The following CASZ1 variants were observed in gnomAD, a reference collection of about 807,000 sequenced individuals.
CASZ1 encodes zinc finger protein castor homolog 1.
CASZ1 carries 28 observed loss-of-function variants against 135.2 expected under a neutral mutation model. That is an observed-to-expected ratio of 0.21 (90% confidence interval 0.15 to 0.28). The LOEUF (loss-of-function observed/expected upper bound fraction) is 0.28, where lower values mean the gene tolerates loss of function less well. CASZ1 is among the 10% of genes least tolerant of loss of function. The pLI, the probability that CASZ1 is intolerant of heterozygous loss-of-function variation, is 1.00. For synonymous variants in CASZ1, 1,068 were observed against 1,073.4 expected (o/e 0.99, Z 0.10); for missense variants, 2,161 against 2,453.3 (o/e 0.88, Z 2.52).
chr1:10,674,999 T>C (rs559409011), intron 4 of CASZ1, among the ~76,000 whole-genome samples: 3 of 151,590 alleles, frequency 2.0e-5, no homozygotes, highest in African/African-American at 7.3e-5. Context: ...CCCCTCCTGT[T>C]TTTCTGTGCT....
chr1:10,730,454 G>A (rs1557537574), intron 2 of CASZ1, among the ~76,000 whole-genome samples: 1 of 152,180 alleles, frequency 6.6e-6, no homozygotes, highest in Non-Finnish European at 1.5e-5. Flanking sequence ...GCATGCCTAG[G>A]GCCTTCGAGT....
At chr1:10,654,658 C>G (rs1642728742) in intron 9 of CASZ1, 67 bp from the exon 10 acceptor site, 1 of 1,481,496 alleles carries the variant, frequency 6.7e-7, no homozygotes, top group Non-Finnish European at 9.3e-7. Flanking sequence ...GTCGACACCA[C>G]TGTGTGTGGC....
chr1:10,654,821 G>A (rs1169815389), intron 9 of CASZ1, among the ~76,000 whole-genome samples: 3 of 152,250 alleles, frequency 2.0e-5, no homozygotes, highest in Admixed American at 6.5e-5. Flanking sequence ...GCCTGGCTCC[G>A]TCTGTGCTGA....
intron 5 of CASZ1, among the ~76,000 whole-genome samples, chr1:10,662,564 C>G (rs1439719345): frequency 6.6e-6 from 1 of 151,590 alleles, no homozygotes; most frequent in Admixed American, 6.6e-5. Context: ...CTCTACACAC[C>G]CAGTCATGTG....
Position 10,655,763 on chromosome 1 carries a change from C to T in CASZ1, c.1551G>A (p.Lys517=). The T allele has an allele frequency of 1.9e-6, 3 of 1,614,206 alleles. No homozygotes were observed. Among genetic ancestry groups the T allele is most frequent in the Non-Finnish European group, 2.5e-6 (3 of 1,180,008 alleles). Residue 517 remains lysine, a synonymous_variant, in exon 9 of 21, where the codon AAG becomes AAA. Coordinates refer to ENST00000377022, the MANE Select transcript of CASZ1 (RefSeq NM_001079843.3). The stretch of plus-strand genomic sequence containing the variant: ...AGCCGTGCTGCAGGGAGTTGTCGCG[C>T]TTCTTGTGCATGTTGTAGTGGCGGA... ...DVIRHYNMHK[K]RDNSLQHGFM...
intron 2 of CASZ1, among the ~76,000 whole-genome samples, chr1:10,714,444 G>A (rs911153023): frequency 2.6e-5 from 4 of 152,254 alleles, no homozygotes; most frequent in African/African-American, 7.2e-5. Flanking sequence ...GCTCTGCTGA[G>A]CCTCCACACC....
Position 10,663,673 on chromosome 1 carries a change from G to T in CASZ1, c.505+1410C>A, listed in dbSNP as rs1042157137. ...AGGGGGCCCACAGGCCTGCATGGCC[G>T]AGCCCAGGGCCCAGAGAAGGTGGCT... On this transcript the variant is annotated intron_variant, in intron 5 of 20. Coordinates refer to ENST00000377022, the MANE Select transcript of CASZ1 (RefSeq NM_001079843.3). Among the ~76,000 whole-genome samples the T allele has an allele frequency of 2.6e-5, 4 of 152,252 alleles. No individual in the cohort carries two copies. The East Asian group carries it at 5.8e-4, about 22-fold the overall frequency.
At chr1:10,785,481 T>A (rs776907) in intron 1 of CASZ1, among the ~76,000 whole-genome samples, 110,502 of 152,022 alleles carry the variant, frequency 0.73, 41,147 homozygotes, top group Non-Finnish European at 0.82. Context: ...TGGAGTTTCA[T>A]ACACCTCATC....
intron 2 of CASZ1, among the ~76,000 whole-genome samples, chr1:10,722,452 C>G (rs1184992274): frequency 6.6e-6 from 1 of 152,106 alleles, no homozygotes; most frequent in East Asian, 1.9e-4. Context: ...AGGGCACGGA[C>G]TTAGGGACCG....
At chr1:10,745,983 G>A (rs1640032928) in intron 2 of CASZ1, among the ~76,000 whole-genome samples, 1 of 152,264 alleles carries the variant, frequency 6.6e-6, no homozygotes, top group South Asian at 2.1e-4. Context: ...ACTCTGCTGG[G>A]TGAGAGGTCT....
At position 10,657,934 on chromosome 1, in the gene CASZ1, A is replaced by G. The variant is rs1642861896; in HGVS notation, c.1409+574T>C. 1 of 151,482 alleles carries G rather than the reference A, an allele frequency of 6.6e-6. No individual in the cohort carries two copies. The highest frequency in any genetic ancestry group is 2.1e-4 in the South Asian group (1 of 4,818). 9.4% of individuals were successfully genotyped at this position (151,482 alleles called of 1,614,324 possible). On this transcript the variant is annotated intron_variant, in intron 7 of 20. Transcript: ENST00000377022. This position sits in a 1 kb window ranked among gnomAD's most constrained non-coding sequence, Gnocchi z 5.7. Reference sequence around the variant, plus strand: ...GGTGGTGTCAGAGCCTCACTGGGGAAGTGCATTGGGCTGTGTCAGAGAGGA... The same window carrying G: ...GGTGGTGTCAGAGCCTCACTGGGGAGGTGCATTGGGCTGTGTCAGAGAGGA...
At chr1:10,677,571 T>C (rs912803632) in intron 4 of CASZ1, among the ~76,000 whole-genome samples, 3 of 152,000 alleles carry the variant, frequency 2.0e-5, no homozygotes, top group Non-Finnish European at 4.4e-5. Flanking sequence ...GCTATCAGGG[T>C]GGAGGCTGTC....
chr1:10,737,608 C>T (rs1457837789), intron 2 of CASZ1, among the ~76,000 whole-genome samples: 2 of 152,234 alleles, frequency 1.3e-5, no homozygotes, highest in Non-Finnish European at 2.9e-5. Context: ...AGAAGGGTGC[C>T]CAAGGGAGTT....
Position 10,719,833 on chromosome 1 carries a change from G to A in CASZ1, c.-76-14289C>T, listed in dbSNP as rs1259967884. Reference sequence around the variant, plus strand: ...CACAGGCCTGGAACAGGCACCTCCGGGGTTCAAAGGCCCACAGAAGCCACC... The same window carrying A: ...CACAGGCCTGGAACAGGCACCTCCGAGGTTCAAAGGCCCACAGAAGCCACC... On this transcript the variant is annotated intron_variant, in intron 2 of 20. Coordinates refer to ENST00000377022, the MANE Select transcript of CASZ1 (RefSeq NM_001079843.3). This position sits in a 1 kb window ranked among gnomAD's most constrained non-coding sequence, Gnocchi z 4.0. 6.6e-6 allele frequency among the ~76,000 whole-genome samples: 1 copy of A among 152,248 alleles called. No homozygotes were observed. Among genetic ancestry groups the A allele is most frequent in the Non-Finnish European group, 1.5e-5 (1 of 68,050 alleles).
At chr1:10,740,608 G>A (rs1321452958) in intron 2 of CASZ1, among the ~76,000 whole-genome samples, 2 of 152,156 alleles carry the variant, frequency 1.3e-5, no homozygotes, top group Non-Finnish European at 1.5e-5. Flanking sequence ...AGAAGCAGGA[G>A]GTGGAGGAAG....
In CASZ1 at chr1:10,653,436, G is replaced by A. The variant is rs1185466034; in HGVS notation, c.2621C>T (p.Ser874Leu). The change falls in exon 11 of 21, where the codon TCG (serine) becomes TTG (leucine). Residue 874 changes from serine to leucine, a missense_variant. By Grantham distance (145) the Ser-to-Leu change is moderately radical. Around this residue, in one of 7 missense-constraint regions of CASZ1, gnomAD observed 406 missense variants for 387.6 expected, o/e 1.05. Transcript: ENST00000377022. The stretch of plus-strand genomic sequence containing the variant: ...TGCAGCCAGCCTGGCCATCATGGGC[G>A]AGATGAGGCCCTTGCTTGCAGAGAT... ...ERISASKGLI[S>L]PMMARLAAAA... 12 of 1,613,262 alleles carry A rather than the reference G, an allele frequency of 7.4e-6. No individual in the cohort carries two copies. Among genetic ancestry groups the A allele is most frequent in the African/African-American group, 1.3e-5 (1 of 74,956 alleles).
At position 10,636,610 on chromosome 1, in the gene CASZ1, T is replaced by C. The variant is rs1230633918; in HGVS notation, c.*2332A>G. 1.3e-5 allele frequency: 2 copies of C among 150,984 alleles called. No homozygotes were observed. Among genetic ancestry groups the C allele is most frequent in the East Asian group, 3.9e-4 (2 of 5,134 alleles). 9.4% of individuals were successfully genotyped at this position (150,984 alleles called of 1,614,324 possible). ...TAAAAGATAACTTGATAGATTTTTTTCCAGTTTTTATTGAGTGAAAATGTC... is the reference window on the plus strand; with the variant it reads ...TAAAAGATAACTTGATAGATTTTTTCCCAGTTTTTATTGAGTGAAAATGTC... On this transcript the variant is annotated 3_prime_UTR_variant, in exon 21 of 21. Coordinates refer to ENST00000377022, the MANE Select transcript of CASZ1 (RefSeq NM_001079843.3).
intron 2 of CASZ1, among the ~76,000 whole-genome samples, chr1:10,722,706 G>T (rs1037021155): frequency 1.3e-5 from 2 of 152,214 alleles, no homozygotes; most frequent in Admixed American, 1.3e-4. Flanking sequence ...GCAGAGCCGT[G>T]GTGGTGGCTG....
At chr1:10,795,226 C>A (rs1641042251) in intron 1 of CASZ1, among the ~76,000 whole-genome samples, 1 of 151,704 alleles carries the variant, frequency 6.6e-6, no homozygotes, top group Non-Finnish European at 1.5e-5. Context: ...CCCCTGGATC[C>A]CCGCTCCCCG....
Sources: allele counts gnomAD v4.1 joint callset (sites outside exome capture counted in the v4.1 genomes callset), GRCh38; gene constraint gnomAD v4.1.1; regional missense constraint gnomAD v4.1.1; non-coding constraint Gnocchi (gnomAD v3.1); transcripts MANE v1.5; gene names NCBI Gene and HGNC (gene_info 2026-07-23, HGNC 2026-07-21).